Variants in MYH15 observed in about 807,000 individuals in gnomAD.
The protein encoded by MYH15 is myosin heavy chain 15.
Under a neutral mutation model 240.5 loss-of-function variants are expected in MYH15, and 227 were observed. That is an observed-to-expected ratio of 0.94 (90% confidence interval 0.85 to 1.05). The LOEUF (loss-of-function observed/expected upper bound fraction) is 1.05, where lower values mean the gene tolerates loss of function less well. MYH15 is among the 50% of genes least tolerant of loss of function. The probability of loss-of-function intolerance (pLI) is 0.00; values close to 1 mark genes in which losing one functional copy is unlikely to be tolerated. For missense variants in MYH15, 2,217 were observed against 2,247.5 expected (o/e 0.99, Z 0.27); for synonymous variants, 785 against 796.7 (o/e 0.99, Z 0.25).
chr3:108,460,923 T>C (rs966599871), intron 16 of MYH15, among the ~76,000 whole-genome samples: 1 of 152,304 alleles, frequency 6.6e-6, no homozygotes, highest in South Asian at 2.1e-4. Context: ...CTATATGAGA[T>C]TACAGATAAT....
At chr3:108,440,369 G>C (rs995627868) in intron 23 of MYH15, among the ~76,000 whole-genome samples, 3 of 152,114 alleles carry the variant, frequency 2.0e-5, no homozygotes, top group South Asian at 2.1e-4. Context: ...TGCAAACATG[G>C]AAGTTGACTG....
At chr3:108,491,798 A>G (rs761235780) in intron 9 of MYH15, among the ~76,000 whole-genome samples, 3 of 151,982 alleles carry the variant, frequency 2.0e-5, no homozygotes, top group Non-Finnish European at 2.9e-5. Context: ...CCTTTAATCA[A>G]CCTGGTCTCT....
At position 108,463,204 on chromosome 3, in the gene MYH15, C is replaced by T. The variant is rs2083085711; in HGVS notation, c.1771G>A (p.Asp591Asn). The T allele has an allele frequency of 1.9e-6, 3 of 1,612,876 alleles. No individual in the cohort carries two copies. Among genetic ancestry groups the T allele is most frequent in the Non-Finnish European group, 2.5e-6 (3 of 1,179,564 alleles). Residue 591 changes from aspartate to asparagine, a missense_variant, in exon 16 of 41, where the codon GAC (aspartate) becomes AAC (asparagine). Coordinates refer to ENST00000693548, the MANE Select transcript of MYH15 (RefSeq NM_014981.3). ...NISGWLEKNKDLLNETVVAVF... is the reference protein window; with the variant it reads ...NISGWLEKNKNLLNETVVAVF... ...GCTACCACTGTTTCATTAAGGAGGT[C>T]TTTGTTCTTTTCCAGCCAACCACTG... is the stretch of plus-strand genomic sequence containing the variant.
intron 12 of MYH15, among the ~76,000 whole-genome samples, chr3:108,474,454 ATT>A (rs890804674): frequency 6.6e-4 from 91 of 138,748 alleles, no homozygotes; most frequent in African/African-American, 2.3e-3. Flanking sequence ...GGGGCTCCTT[ATT>A]TTTTTTTTTA....
chr3:108,504,032 A>G (rs1263589997), intron 2 of MYH15, among the ~76,000 whole-genome samples: 1 of 152,240 alleles, frequency 6.6e-6, no homozygotes, highest in African/African-American at 2.4e-5. Flanking sequence ...ATGCTTAGTG[A>G]AAGAAGCCAG....
chr3:108,411,630 C>A (rs1351026458), intron 30 of MYH15, among the ~76,000 whole-genome samples: 1 of 152,166 alleles, frequency 6.6e-6, no homozygotes, highest in Non-Finnish European at 1.5e-5. Context: ...TAATATGCTA[C>A]TATTAGGAAT....
At chr3:108,414,854 T>C (rs1409402962) in intron 29 of MYH15, among the ~76,000 whole-genome samples, 1 of 152,282 alleles carries the variant, frequency 6.6e-6, no homozygotes. Flanking sequence ...GAAAATAAAA[T>C]CTTTTATTTC....
chr3:108,444,127 C>T (rs1398979024), intron 22 of MYH15, among the ~76,000 whole-genome samples: 1 of 150,468 alleles, frequency 6.6e-6, no homozygotes, highest in African/African-American at 2.4e-5. Context: ...TGCACATGTA[C>T]CCTAAAACTT....
chr3:108,510,808 G>T (rs1283306935), upstream of MYH15, among the ~76,000 whole-genome samples: 1 of 152,172 alleles, frequency 6.6e-6, no homozygotes, highest in East Asian at 1.9e-4. Flanking sequence ...AGAAGGCACA[G>T]TGCCTGAGGC....
At chr3:108,524,820 G>A (rs2083653890) in intron 1 of MYH15, among the ~76,000 whole-genome samples, 1 of 152,018 alleles carries the variant, frequency 6.6e-6, no homozygotes, top group African/African-American at 2.4e-5. Flanking sequence ...CCCAGTGTGA[G>A]GGATCAGGTT....
At position 108,381,385 on chromosome 3, in the gene MYH15, G is replaced by T; in HGVS notation, c.*160C>A. The T allele has an allele frequency of 1.2e-6, 1 of 807,570 alleles. No individual in the cohort carries two copies. Among genetic ancestry groups the T allele is most frequent in the East Asian group, 2.5e-5 (1 of 39,756 alleles). The allele number at this position is 807,570 out of a possible 1,614,324, so 50.0% of individuals were successfully genotyped here. ...AATCCCCATTAACTGTGGAAGCAAT[G>T]ATATTCCCTTTAATTATTTTTCTAA... On this transcript the variant is annotated 3_prime_UTR_variant, in exon 41 of 41. Coordinates refer to ENST00000693548, the MANE Select transcript of MYH15 (RefSeq NM_014981.3).
chr3:108,440,654 C>G (rs909899194), intron 23 of MYH15, among the ~76,000 whole-genome samples: 2 of 143,802 alleles, frequency 1.4e-5, no homozygotes, highest in African/African-American at 5.2e-5. Flanking sequence ...AGGCACATCC[C>G]AAATTATCTT....
intron 24 of MYH15, among the ~76,000 whole-genome samples, chr3:108,439,242 A>T (rs2082866037): frequency 6.6e-6 from 1 of 152,242 alleles, no homozygotes; most frequent in Non-Finnish European, 1.5e-5. Context: ...TAGGGGCATC[A>T]TCTCTAGAAT....
intron 14 of MYH15, among the ~76,000 whole-genome samples, chr3:108,466,542 C>G (rs951230145): frequency 1.3e-5 from 2 of 152,124 alleles, no homozygotes; most frequent in African/African-American, 4.8e-5. Flanking sequence ...CTGTTGTGCT[C>G]CCATGTGTTA....
chr3:108,485,013 GT>G, intron 11 of MYH15, 77 bp downstream of exon 11: 1 of 1,459,462 alleles, frequency 6.9e-7, no homozygotes. Flanking sequence ...AAGAGATGAA[GT>G]TAACTGCAAG....
intron 21 of MYH15, among the ~76,000 whole-genome samples, chr3:108,451,775 A>G (rs993576398): frequency 3.3e-5 from 5 of 152,302 alleles, no homozygotes; most frequent in South Asian, 2.1e-4. Context: ...TGATATTACA[A>G]TCAAACCCAT....
chr3:108,460,323 G>T lies in MYH15; in HGVS notation c.1909C>A (p.Gln637Lys). 6.2e-7 allele frequency: 1 copy of T among 1,602,028 alleles called. No individual in the cohort carries two copies. Among genetic ancestry groups the T allele is most frequent in the Non-Finnish European group, 8.5e-7 (1 of 1,174,280 alleles). The change falls in exon 17 of 41, where the codon CAA becomes AAA. Residue 637 changes from glutamine to lysine, a missense_variant. Physicochemically the swap from Gln to Lys is moderately conservative, Grantham distance 53. Transcript: ENST00000693548. Reference protein sequence around the residue: ...EKKRKKGASFQTVASLHKENL... With the variant: ...EKKRKKGASFKTVASLHKENL... ...ACTTTATGCAGAGATGCAACCGTTTGGAATGAAGCTCCTTTCTTTCGTTTC... is the reference window on the plus strand; with the variant it reads ...ACTTTATGCAGAGATGCAACCGTTTTGAATGAAGCTCCTTTCTTTCGTTTC...
chr3:108,501,678 A>G, intron 3 of MYH15, 34 bp downstream of exon 3: 1 of 1,612,626 alleles, frequency 6.2e-7, no homozygotes, highest in Non-Finnish European at 8.5e-7. Context: ...GTGACTGCCA[A>G]CATGACAGTT....
rs79762777 is a variant in MYH15, at chr3:108,430,414, G to A, written c.3312+418C>T. Among the ~76,000 whole-genome samples the A allele has an allele frequency of 7.8e-3, 1,182 of 152,202 alleles. 19 individuals carry two copies. Among genetic ancestry groups the A allele is most frequent in the African/African-American group, 0.027 (1,112 of 41,534 alleles). On this transcript the variant is annotated intron_variant, in intron 26 of 40. Transcript: ENST00000693548. ...CTATAGAACTTACTGATTTTCAATC[G>A]CCTTCTAATCACAAAGAATAATCAT...
Sources: gnomAD v4.1 joint callset for allele counts (sites outside exome capture counted in the v4.1 genomes callset) on GRCh38, gnomAD v4.1.1 for gene constraint, MANE v1.5 for transcripts, NCBI Gene and HGNC (gene_info 2026-07-23, HGNC 2026-07-21) for gene names.